TEX11: variants seen among roughly 807,000 people sequenced by gnomAD.
TEX11 encodes the protein testis expressed 11.
A neutral mutation model predicts 84.4 loss-of-function variants in TEX11; 7 were observed. The observed-to-expected ratio is 0.08, with a 90% confidence interval of 0.05 to 0.16. The LOEUF (loss-of-function observed/expected upper bound fraction) is 0.16. Among genes scored for constraint, TEX11 ranks in the 10% least tolerant of loss-of-function variants. TEX11 has a pLI of 1.00. For synonymous variants in TEX11, 264 were observed against 222.8 expected (o/e 1.18, Z -1.64); for missense variants, 551 against 660.5 (o/e 0.83, Z 1.82).
intron 13 of TEX11, among the ~76,000 whole-genome samples, chrX:70,696,752 G>A (rs1467422569): frequency 9.0e-6 from 1 of 110,557 alleles, no homozygotes; most frequent in Non-Finnish European, 1.9e-5. Context: ...CTAGGTGCCA[G>A]AGCAAGACTC....
chrX:70,818,691 C>T lies in TEX11; in HGVS notation c.607-11901G>A, dbSNP rs144413036. Among the ~76,000 whole-genome samples, 872 of 110,625 alleles carry T rather than the reference C, an allele frequency of 7.9e-3. 7 individuals are homozygous for T. Among genetic ancestry groups the T allele is most frequent in the African/African-American group, 0.028 (837 of 30,415 alleles). On this transcript the variant is annotated intron_variant, in intron 8 of 29. Transcript: ENST00000374333. ...TTTGAGCTGGTGGCACCACGCACTC[C>T]CTAGCCCTAGAACCACCACATATCC...
intron 17 of TEX11, among the ~76,000 whole-genome samples, chrX:70,637,504 T>C (rs894369580): frequency 8.9e-6 from 1 of 112,239 alleles, no homozygotes; most frequent in African/African-American, 3.2e-5. Context: ...CAAAGACATA[T>C]AATCAACGTA....
At chrX:70,619,958 G>A (rs1004935820) in intron 20 of TEX11, among the ~76,000 whole-genome samples, 7 of 109,449 alleles carry the variant, frequency 6.4e-5, no homozygotes, top group African/African-American at 1.7e-4. Context: ...ACAGCCTCCC[G>A]AGTAGCTGGG....
At chrX:70,839,184 G>A (rs2091425531) in intron 7 of TEX11, among the ~76,000 whole-genome samples, 1 of 111,365 alleles carries the variant, frequency 9.0e-6, no homozygotes, top group Non-Finnish European at 1.9e-5. Flanking sequence ...GGAACGGGCA[G>A]ACTGCCTCCT....
chrX:70,547,653 A>C (rs1311005018), intron 28 of TEX11, among the ~76,000 whole-genome samples: 2 of 112,316 alleles, frequency 1.8e-5, no homozygotes, highest in African/African-American at 3.2e-5. Context: ...ATGCAGCCAA[A>C]ATACACATGA....
At chrX:70,724,591 A>G (rs182968307) in intron 12 of TEX11, among the ~76,000 whole-genome samples, 12 of 111,638 alleles carry the variant, frequency 1.1e-4, no homozygotes, top group African/African-American at 3.9e-4. Context: ...CTGAAATGTT[A>G]AGGGCTAGTG....
At chrX:70,635,504 A>G (rs770362377) in intron 17 of TEX11, among the ~76,000 whole-genome samples, 1 of 112,620 alleles carries the variant, frequency 8.9e-6, no homozygotes, top group Admixed American at 9.3e-5. Flanking sequence ...CATTAGCCCC[A>G]GGCTTTGGGC....
intron 13 of TEX11, among the ~76,000 whole-genome samples, chrX:70,708,756 T>C (rs909175669): frequency 9.1e-6 from 1 of 110,405 alleles, no homozygotes; most frequent in African/African-American, 3.3e-5. Flanking sequence ...TGAGCACACA[T>C]GGACATAAAC....
At chrX:70,650,689 G>A (rs2089800559) in intron 17 of TEX11, among the ~76,000 whole-genome samples, 1 of 111,416 alleles carries the variant, frequency 9.0e-6, no homozygotes, top group Admixed American at 9.5e-5. Context: ...GTACGTAGTA[G>A]GTGTCCAAAA....
At chrX:70,728,546 C>G (rs1293033204) in intron 11 of TEX11, among the ~76,000 whole-genome samples, 1 of 110,526 alleles carries the variant, frequency 9.0e-6, no homozygotes, top group Non-Finnish European at 1.9e-5. Flanking sequence ...GGTCCTACGC[C>G]CACAGAGCCT....
At position 70,682,504 on chromosome X, in the gene TEX11, A is replaced by G. The variant is rs183507139; in HGVS notation, c.1156+170T>C. 4.5e-5 allele frequency among the ~76,000 whole-genome samples: 5 copies of G among 111,378 alleles called. No individual in the cohort carries two copies. In the East Asian group the frequency reaches 1.4e-3, roughly 31 times the overall value. On this transcript the variant is annotated intron_variant, in intron 14 of 29. Coordinates refer to ENST00000374333, the MANE Select transcript of TEX11 (RefSeq NM_031276.3). ...CTTAGTTTCTCATTCCACTTGCCCA[A>G]TTTGTGGGATGTGGACAGGTGAGGT...
At chrX:70,669,858 G>A (rs949180964) in intron 16 of TEX11, among the ~76,000 whole-genome samples, 3 of 112,432 alleles carry the variant, frequency 2.7e-5, no homozygotes, top group African/African-American at 6.5e-5. Flanking sequence ...AAGTATTTCC[G>A]TTCTATCTTT....
At chrX:70,637,511 C>T (rs992942641) in intron 17 of TEX11, among the ~76,000 whole-genome samples, 5 of 112,288 alleles carry the variant, frequency 4.5e-5, no homozygotes, top group African/African-American at 6.5e-5. Flanking sequence ...ATATAATCAA[C>T]GTATGCCCAT....
chrX:70,869,847 A>G (rs1274191732), intron 4 of TEX11, among the ~76,000 whole-genome samples: 1 of 111,888 alleles, frequency 8.9e-6, no homozygotes, highest in Non-Finnish European at 1.9e-5. Context: ...TAGTCTAAGA[A>G]CTTTGTCTGC....
rs777470563 is a variant in TEX11 at position 70,816,174 on chromosome X, C to T, written c.607-9384G>A. Reference sequence around the variant, plus strand: ...GCTCCCACTTATGAGTGAGAACATACGATGTTTGGTTTTCCATTCCTGAGT... The same window carrying T: ...GCTCCCACTTATGAGTGAGAACATATGATGTTTGGTTTTCCATTCCTGAGT... On this transcript the variant is annotated intron_variant, in intron 8 of 29. Transcript: ENST00000374333. Among the ~76,000 whole-genome samples the T allele has an allele frequency of 2.1e-3, 236 of 110,938 alleles. 1 individual carries two copies. The highest frequency in any genetic ancestry group is 3.7e-3 in the Non-Finnish European group (196 of 52,987).
In TEX11 at chrX:70,856,490, A is replaced by T. The variant is rs5981015; in HGVS notation, c.325-3162T>A. Among the ~76,000 whole-genome samples the T allele has an allele frequency of 8.9e-3, 991 of 111,338 alleles. 13 individuals are homozygous for T. Among genetic ancestry groups the T allele is most frequent in the African/African-American group, 0.031 (939 of 30,781 alleles). On this transcript the variant is annotated intron_variant, in intron 5 of 29. Coordinates refer to ENST00000374333, the MANE Select transcript of TEX11 (RefSeq NM_031276.3). ...CTATACACATCTTCCCATGTACTAT[A>T]AATCATCTCTAGATGATTTAATACA...
chrX:70,735,344 G>A (rs913609182), intron 11 of TEX11, among the ~76,000 whole-genome samples: 18 of 111,680 alleles, frequency 1.6e-4, no homozygotes, highest in African/African-American at 4.9e-4. Flanking sequence ...GAGCCACAGC[G>A]TCCGGCCAGA....
At chrX:70,593,095 ACG>A (rs2088957840) in intron 24 of TEX11, among the ~76,000 whole-genome samples, 2 of 102,886 alleles carry the variant, frequency 1.9e-5, no homozygotes, top group South Asian at 4.4e-4. Context: ...ACACACACAC[ACG>A]CACACGCACA....
intron 25 of TEX11, among the ~76,000 whole-genome samples, chrX:70,589,239 C>T (rs1363571779): frequency 9.5e-6 from 1 of 105,590 alleles, no homozygotes; most frequent in Non-Finnish European, 1.9e-5. Context: ...ATATTAGTCA[C>T]CTTAATTAAC....
Sources: allele counts gnomAD v4.1 joint callset (sites outside exome capture counted in the v4.1 genomes callset), GRCh38; gene constraint gnomAD v4.1.1; transcripts MANE v1.5; gene names NCBI Gene and HGNC (gene_info 2026-07-23, HGNC 2026-07-21).